Variants in ERAP1 observed in about 807,000 individuals in gnomAD.
The protein encoded by ERAP1 is adipocyte-derived leucine aminopeptidase.
ERAP1 carries 86 observed loss-of-function variants against 103.7 expected under a neutral mutation model. The ratio of observed to expected loss-of-function variants is 0.83; its 90% confidence interval spans 0.70 to 0.99. The LOEUF (loss-of-function observed/expected upper bound fraction) is 0.99, where lower values mean the gene tolerates loss of function less well. ERAP1 is among the 50% of genes least tolerant of loss of function. The pLI, the probability that ERAP1 is intolerant of heterozygous loss-of-function variation, is 0.00. For synonymous variants in ERAP1, 398 were observed against 402.4 expected (o/e 0.99, Z 0.13); for missense variants, 1,009 against 1,128.4 (o/e 0.89, Z 1.52).
the ERAP1 span, among the ~76,000 whole-genome samples, chr5:96,859,575 C>A: frequency 1.3e-5 from 2 of 152,052 alleles, no homozygotes; most frequent in Admixed American, 1.3e-4. Flanking sequence ...TGGGGAATGC[C>A]CAGGACAGAG....
chr5:96,901,882 C>A, the ERAP1 span, among the ~76,000 whole-genome samples: 1 of 152,178 alleles, frequency 6.6e-6, no homozygotes, highest in Non-Finnish European at 1.5e-5. Flanking sequence ...CTTAGTGATT[C>A]CATCAGCCTT....
intron 6 of ERAP1, 36 bp from the exon 7 acceptor site, chr5:96,793,549 C>T (rs1165301831): frequency 2.9e-5 from 43 of 1,473,842 alleles, no homozygotes; most frequent in Non-Finnish European, 3.8e-5. Flanking sequence ...CAAAGACACT[C>T]AGAAAGAAGT....
chr5:96,909,801 C>A, the ERAP1 span: 11 of 1,596,154 alleles, frequency 6.9e-6, no homozygotes, highest in Non-Finnish European at 6.9e-6. Context: ...TTGTTCTTTT[C>A]TCTTTGATGT....
chr5:96,903,515 C>T, the ERAP1 span: 1 of 1,613,736 alleles, frequency 6.2e-7, no homozygotes, highest in Non-Finnish European at 8.5e-7. Context: ...CTTCTCAGAC[C>T]TAAGGACAGA....
chr5:96,767,664 T>C (rs1339696218), intron 19 of ERAP1, among the ~76,000 whole-genome samples: 3 of 152,268 alleles, frequency 2.0e-5, no homozygotes, highest in African/African-American at 4.8e-5. Context: ...AAAAGCCCTT[T>C]AGGGTGGAAA....
chr5:96,860,969 T>C, the ERAP1 span, among the ~76,000 whole-genome samples: 124 of 152,228 alleles, frequency 8.1e-4, no homozygotes, highest in African/African-American at 2.8e-3. Context: ...CTTTCTTTTT[T>C]TTTTTTTAAT....
the ERAP1 span, among the ~76,000 whole-genome samples, chr5:96,933,208 C>T: frequency 7.1e-6 from 1 of 140,756 alleles, no homozygotes; most frequent in Admixed American, 7.3e-5. Context: ...TACAAAACCA[C>T]GTCTTTTTTT....
upstream of ERAP1, among the ~76,000 whole-genome samples, chr5:96,810,495 C>A (rs139429781): frequency 9.5e-4 from 144 of 152,240 alleles, 1 homozygote; most frequent in African/African-American, 3.3e-3. Flanking sequence ...TGAGACAGGT[C>A]GGCAACTTGC....
the ERAP1 span, among the ~76,000 whole-genome samples, chr5:96,875,077 T>C: frequency 6.6e-6 from 1 of 152,068 alleles, no homozygotes; most frequent in African/African-American, 2.4e-5. Flanking sequence ...GGTCGAGCAG[T>C]AGTTGAAAGG....
rs202045893 is a variant in ERAP1, at chr5:96,783,091, C to T, written c.2245G>A (p.Gly749Ser). 2.5e-6 allele frequency: 4 copies of T among 1,614,194 alleles called. No homozygotes were observed. In the East Asian group the frequency reaches 6.7e-5, roughly 27 times the overall value. Residue 749 changes from glycine to serine, a missense_variant, in exon 15 of 19, where the codon GGC (glycine) becomes AGC (serine). Gly to Ser is a moderately conservative substitution (Grantham distance 56, BLOSUM62 0). This residue lies in a region of ERAP1 where 611 missense variants were observed against 651.7 expected (regional missense o/e 0.94). Coordinates refer to ENST00000443439, the MANE Select transcript of ERAP1 (RefSeq NM_001040458.3). Reference sequence around the variant, plus strand: ...GATTCCTTCCACTTTCTGAAATAGCCTTCTGCCCTCTGTACGCACGGCTGA... The same window carrying T: ...GATTCCTTCCACTTTCTGAAATAGCTTTCTGCCCTCTGTACGCACGGCTGA... ...NYQPCVQRAE[G>S]YFRKWKESNG...
chr5:96,896,549 T>A, the ERAP1 span: 7 of 1,581,088 alleles, frequency 4.4e-6, no homozygotes, highest in South Asian at 1.1e-5. Context: ...TTCAGAAGTG[T>A]AATAATGACT....
chr5:96,864,608 A>G, the ERAP1 span, among the ~76,000 whole-genome samples: 1 of 152,326 alleles, frequency 6.6e-6, no homozygotes, highest in East Asian at 1.9e-4. Context: ...TCCAAAAAAT[A>G]AATTTATAAT....
chr5:96,921,312 C>T, the ERAP1 span, among the ~76,000 whole-genome samples: 62 of 152,286 alleles, frequency 4.1e-4, no homozygotes, highest in African/African-American at 1.5e-3. Context: ...TAATTTTATT[C>T]TACATTTTTA....
At chr5:96,859,335 C>A in the ERAP1 span, among the ~76,000 whole-genome samples, 1 of 152,136 alleles carries the variant, frequency 6.6e-6, no homozygotes, top group Non-Finnish European at 1.5e-5. Context: ...GGGCCACATT[C>A]ACCTTCGTGT....
At chr5:96,795,003 C>T in intron 5 of ERAP1, 39 bp downstream of exon 5, 1 of 1,611,162 alleles carries the variant, frequency 6.2e-7, no homozygotes, top group Non-Finnish European at 8.5e-7. Context: ...TGACTGTGTT[C>T]ATCAAATGTC....
upstream of ERAP1, among the ~76,000 whole-genome samples, chr5:96,810,051 G>T (rs888060569): frequency 1.3e-5 from 2 of 151,690 alleles, no homozygotes; most frequent in African/African-American, 4.8e-5. Context: ...AAGTGTAGGC[G>T]AGGAGAGAGC....
chr5:96,794,715 T>G (rs1013150415), intron 5 of ERAP1, among the ~76,000 whole-genome samples: 1 of 152,222 alleles, frequency 6.6e-6, no homozygotes, highest in African/African-American at 2.4e-5. Context: ...ATCCTCTGGG[T>G]TCCTGCCAAG....
the ERAP1 span, chr5:96,902,953 T>G: frequency 6.4e-6 from 1 of 155,750 alleles, no homozygotes; most frequent in African/African-American, 2.4e-5. Context: ...CACAAAGTCA[T>G]GCTTAACCTG....
the ERAP1 span, among the ~76,000 whole-genome samples, chr5:96,867,947 G>A: frequency 6.6e-6 from 1 of 152,088 alleles, no homozygotes; most frequent in Admixed American, 6.6e-5. Context: ...GGTGGCGAGT[G>A]CCTGTAATCC....
Sources: gnomAD v4.1 joint callset for allele counts (sites outside exome capture counted in the v4.1 genomes callset) on GRCh38, gnomAD v4.1.1 for gene constraint, gnomAD v4.1.1 regional missense constraint, MANE v1.5 for transcripts, NCBI Gene and HGNC (gene_info 2026-07-23, HGNC 2026-07-21) for gene names.